Variants in PHEX observed in about 807,000 individuals in gnomAD.
PHEX encodes phosphate-regulating neutral endopeptidase PHEX.
Under a neutral mutation model 68.0 loss-of-function variants are expected in PHEX, and 16 were observed. The observed-to-expected ratio is 0.24, with a 90% CI of 0.16 to 0.36. The LOEUF (loss-of-function observed/expected upper bound fraction) is 0.36, where lower values mean the gene tolerates loss of function less well. Ranked by LOEUF, PHEX falls within the 10% of genes least tolerant of loss-of-function variation. PHEX has a pLI of 1.00. For missense variants in PHEX, 480 were observed against 575.5 expected, an observed-to-expected ratio of 0.83 and a Z score of 1.70; for synonymous variants, 208 against 205.1, an observed-to-expected ratio of 1.01 and a Z score of -0.12.
rs908618835 is a variant in PHEX at position 22,175,233 on chromosome X, C to A, written c.1483-3040C>A. 3.6e-5 allele frequency among the ~76,000 whole-genome samples: 4 copies of A among 112,060 alleles called. No homozygotes were observed. The East Asian group carries it at 1.1e-3, about 31-fold the overall frequency. On this transcript the variant is annotated intron_variant, in intron 13 of 21. Coordinates refer to ENST00000379374, the MANE Select transcript of PHEX (RefSeq NM_000444.6). ...CTTTCTAAACATAAATAAGCTATGG[C>A]AAATTGTAATTAATTACCTCTGAGT...
chrX:22,185,799 AGGCT>A lies in PHEX; in HGVS notation c.1587-4642_1587-4639del, dbSNP rs1373597899. On this transcript the variant is annotated intron_variant, in intron 14 of 21. Coordinates refer to ENST00000379374, the MANE Select transcript of PHEX (RefSeq NM_000444.6). Reference sequence around the variant, plus strand: ...GGACACAGAGTCTCACTCTGTCACCAGGCTGGAGTACATTGGCGTGATCTCGGCT... The same window carrying A: ...GGACACAGAGTCTCACTCTGTCACCAGGAGTACATTGGCGTGATCTCGGCT... 2.3e-4 allele frequency among the ~76,000 whole-genome samples: 22 copies of A among 94,601 alleles called. No individual in the cohort carries two copies. In the Admixed American group the frequency reaches 2.7e-3, roughly 11 times the overall value. The allele number at this position is 94,601 out of a possible 115,157, so 82.1% of individuals were successfully genotyped here. A position where few individuals can be genotyped will look rare whatever the true frequency, so the allele number is the denominator to read the frequency against.
At chrX:22,190,153 T>C (rs1934151365) in intron 14 of PHEX, among the ~76,000 whole-genome samples, 1 of 112,469 alleles carries the variant, frequency 8.9e-6, no homozygotes, top group Non-Finnish European at 1.9e-5. Flanking sequence ...AGAATTTCTC[T>C]TTAAAACTTT....
chrX:22,248,101 A>G lies in PHEX; in HGVS notation c.*148A>G. 4.0e-6 allele frequency: 2 copies of G among 494,597 alleles called. No individual in the cohort carries two copies. The highest frequency in any genetic ancestry group is 2.7e-5 in the South Asian group (1 of 36,645). 40.8% of individuals were successfully genotyped at this position (494,597 alleles called of 1,213,427 possible). A position where few individuals can be genotyped will look rare whatever the true frequency, so the allele number is the denominator to read the frequency against. On this transcript the variant is annotated 3_prime_UTR_variant, in exon 22 of 22. Transcript: ENST00000379374. ...GGGTAGGTGACCTGCTTGGATCTAG[A>G]CAGCATCTGTTCAAAGTTGTAGGGC...
chrX:22,243,492 G>A (rs1936293903), intron 20 of PHEX, among the ~76,000 whole-genome samples: 1 of 111,964 alleles, frequency 8.9e-6, no homozygotes, highest in East Asian at 2.8e-4. Flanking sequence ...AGAGTGAACA[G>A]GCAACCTAGA....
Position 22,046,997 on chromosome X carries a change from A to G in PHEX, c.188-53A>G, listed in dbSNP as rs1052088910. ...ATTGTTGTTTAATTTGGAAAAGAAC[A>G]GTATACAACATTCAGTGCTTGTCAT... On this transcript the variant is annotated intron_variant, in intron 2 of 21. Coordinates refer to ENST00000379374, the MANE Select transcript of PHEX (RefSeq NM_000444.6). 11 of 1,011,554 alleles carry G rather than the reference A, an allele frequency of 1.1e-5. No homozygotes were observed. In the African/African-American group the frequency reaches 2.1e-4, roughly 19 times the overall value. 83.4% of individuals were successfully genotyped at this position (1,011,554 alleles called of 1,213,427 possible).
chrX:22,227,390 T>C (rs771746423), intron 19 of PHEX, 117 bp from the exon 20 acceptor site: 2 of 542,728 alleles, frequency 3.7e-6, no homozygotes, highest in Admixed American at 2.6e-5. Context: ...CTTAAGAAAA[T>C]TTTGACATGA....
Position 22,249,484 on chromosome X carries a change from ATATG to A in PHEX, c.*1535_*1538del, listed in dbSNP as rs1390776585. 5.9e-4 allele frequency: 51 copies of A among 86,645 alleles called. 1 individual carries two copies. Among genetic ancestry groups the A allele is most frequent in the African/African-American group, 2.3e-3 (48 of 20,478 alleles). The allele number at this position is 86,645 out of a possible 1,213,427, so 7.1% of individuals were successfully genotyped here. A position where few individuals can be genotyped will look rare whatever the true frequency, so the allele number is the denominator to read the frequency against. Reference sequence around the variant, plus strand: ...TATATATATATATATATATATATATATATGTATATCTACCTAAGTGTGTGCCATG... The same window carrying A: ...TATATATATATATATATATATATATATATATCTACCTAAGTGTGTGCCATG... On this transcript the variant is annotated 3_prime_UTR_variant, in exon 22 of 22. Transcript: ENST00000379374.
intron 1 of PHEX, among the ~76,000 whole-genome samples, chrX:22,036,049 TA>T (rs1926995834): frequency 3.5e-5 from 2 of 57,540 alleles, no homozygotes; most frequent in African/African-American, 1.5e-4. Flanking sequence ...TATATATATA[TA>T]TATATTTTTT....
chrX:22,190,294 C>T, intron 14 of PHEX, 150 bp from the exon 15 acceptor site: 2 of 554,355 alleles, frequency 3.6e-6, no homozygotes, highest in Non-Finnish European at 6.6e-6. Flanking sequence ...TACAGTAGCC[C>T]CAAACTGAGG....
intron 17 of PHEX, among the ~76,000 whole-genome samples, chrX:22,220,506 A>G (rs1434946834): frequency 2.8e-5 from 3 of 108,576 alleles, no homozygotes; most frequent in Non-Finnish European, 5.8e-5. Flanking sequence ...CTTAGCTAAG[A>G]AAAAAAAAAG....
In PHEX at chrX:22,038,530, C is replaced by T. The variant is rs1427673641; in HGVS notation, c.180C>T (p.Ile60=). 9 of 1,171,857 alleles carry T rather than the reference C, an allele frequency of 7.7e-6. No individual in the cohort carries two copies. The highest frequency in any genetic ancestry group is 7.1e-5 in the African/African-American group (4 of 56,297). Residue 60 remains isoleucine, a synonymous_variant, in exon 2 of 22, where the codon ATC becomes ATT. Transcript: ENST00000379374. ...KQEYCLKPEC[I]EAAAAILSKV... is the part of the protein sequence containing the mutation. The stretch of plus-strand genomic sequence containing the variant: ...AGTACTGCCTGAAGCCAGAATGCAT[C>T]GAAGCGGGTAAGTCACAGTTTTCCA...
intron 7 of PHEX, among the ~76,000 whole-genome samples, chrX:22,096,724 G>T (rs191296562): frequency 3.0e-4 from 34 of 111,990 alleles, no homozygotes; most frequent in African/African-American, 9.4e-4. Flanking sequence ...GAGATTTGGG[G>T]TAGTTCTTTT....
intron 12 of PHEX, among the ~76,000 whole-genome samples, chrX:22,166,717 A>C (rs1309757930): frequency 9.0e-6 from 1 of 111,282 alleles, no homozygotes; most frequent in African/African-American, 3.3e-5. Flanking sequence ...GTTGTACAAT[A>C]CATCTCCTAA....
chrX:22,046,223 T>G (rs1927521267), intron 2 of PHEX, among the ~76,000 whole-genome samples: 1 of 111,997 alleles, frequency 8.9e-6, no homozygotes, highest in Non-Finnish European at 1.9e-5. Flanking sequence ...AAAGGGCAGC[T>G]AAAGGGCTCC....
intron 15 of PHEX, among the ~76,000 whole-genome samples, chrX:22,200,703 G>C (rs1376572702): frequency 1.8e-5 from 2 of 111,861 alleles, no homozygotes; most frequent in African/African-American, 6.5e-5. Context: ...AAATGTGTTA[G>C]AGTAATCATT....
intron 5 of PHEX, among the ~76,000 whole-genome samples, chrX:22,078,880 G>A (rs934385690): frequency 2.7e-5 from 3 of 111,735 alleles, no homozygotes; most frequent in Admixed American, 9.5e-5. Context: ...TACTCAGGAG[G>A]AAATTCTGAG....
chrX:22,032,896 C>G lies in PHEX; in HGVS notation c.-110C>G. ...TCCTGACGGCAGTTTCTTAAGCTGT[C>G]CATTAGTAGAAGAGCAAGAAAGCCT... is the stretch of plus-strand genomic sequence containing the variant. On this transcript the variant is annotated 5_prime_UTR_variant, in exon 1 of 22. Transcript: ENST00000379374. 1.7e-6 allele frequency: 1 copy of G among 586,142 alleles called. No homozygotes were observed. The allele number at this position is 586,142 out of a possible 1,213,427, so 48.3% of individuals were successfully genotyped here.
chrX:22,156,910 T>G (rs1932966746), intron 12 of PHEX, among the ~76,000 whole-genome samples: 1 of 110,447 alleles, frequency 9.1e-6, no homozygotes, highest in South Asian at 3.9e-4. Flanking sequence ...TGGGACAGGG[T>G]CTCACTCTGT....
intron 9 of PHEX, among the ~76,000 whole-genome samples, chrX:22,110,639 C>T (rs1187430283): frequency 2.1e-5 from 2 of 95,765 alleles, no homozygotes; most frequent in Non-Finnish European, 4.1e-5. Flanking sequence ...ATGATGAGTT[C>T]ATGTCCTTTG....
Sources: allele counts gnomAD v4.1 joint callset (sites outside exome capture counted in the v4.1 genomes callset), GRCh38; gene constraint gnomAD v4.1.1; transcripts MANE v1.5; gene names NCBI Gene and HGNC (gene_info 2026-07-23, HGNC 2026-07-21).